Variants in CCDC141 observed in about 807,000 individuals in gnomAD.
CCDC141 encodes coiled-coil domain containing 141.
CCDC141 carries 168 observed loss-of-function variants against 181.0 expected under a neutral mutation model. That is an observed-to-expected ratio of 0.93 (90% confidence interval 0.82 to 1.05). The LOEUF is 1.05. CCDC141 is among the 50% of genes least tolerant of loss of function. The probability of loss-of-function intolerance (pLI) is 0.00; values close to 1 mark genes in which losing one functional copy is unlikely to be tolerated. For missense variants in CCDC141, 1,902 were observed against 1,788.5 expected (o/e 1.06, Z -1.14); for synonymous variants, 666 against 642.3 (o/e 1.04, Z -0.56).
chr2:178,948,140 G>C (rs944023666), intron 5 of CCDC141, among the ~76,000 whole-genome samples: 2 of 151,902 alleles, frequency 1.3e-5, no homozygotes, highest in Admixed American at 1.3e-4. Flanking sequence ...AGTTGAGGCT[G>C]CAATGAGCCA....
At chr2:179,007,569 A>T (rs1399063851) in intron 2 of CCDC141, among the ~76,000 whole-genome samples, 1 of 152,170 alleles carries the variant, frequency 6.6e-6, no homozygotes, top group African/African-American at 2.4e-5. Context: ...CTGCCCATTC[A>T]GCACCTCTCT....
chr2:179,033,040 A>G (rs1292524180), intron 2 of CCDC141, among the ~76,000 whole-genome samples: 1 of 145,956 alleles, frequency 6.9e-6, no homozygotes, highest in Non-Finnish European at 1.5e-5. Context: ...TATAAAGTCT[A>G]TAGTTTAGAA....
intron 2 of CCDC141, among the ~76,000 whole-genome samples, chr2:179,015,089 T>TATATATATAAA (rs2042405569): frequency 2.1e-5 from 1 of 47,124 alleles, no homozygotes; most frequent in African/African-American, 6.4e-5. Flanking sequence ...TATATATATA[T>TATATATATAAA]ATATATATAT....
At chr2:178,845,509 G>C (rs1290339470) in intron 22 of CCDC141, 117 bp downstream of exon 22, 1 of 656,494 alleles carries the variant, frequency 1.5e-6, no homozygotes, top group Non-Finnish European at 2.7e-6. Flanking sequence ...CATTTACACT[G>C]GGAAATTCTA....
At chr2:178,992,697 T>C (rs1405345810) in intron 2 of CCDC141, among the ~76,000 whole-genome samples, 1 of 152,134 alleles carries the variant, frequency 6.6e-6, no homozygotes, top group Non-Finnish European at 1.5e-5. Context: ...AAATAGGGGT[T>C]GCATCGTGAT....
In CCDC141 at chr2:178,978,519, T is replaced by C. The variant is rs577612921; in HGVS notation, c.382A>G (p.Arg128Gly). ...SMLERRTELLRLTSEFFENAL... is the reference protein window; with the variant it reads ...SMLERRTELLGLTSEFFENAL... ...TTTTCAAAAAATTCAGAAGTCAACC[T>C]AAGGAGCTCTGTTCTTCTTTCAAGC... The change falls in exon 3 of 24, where the codon AGG (arginine) becomes GGG (glycine). Residue 128 changes from arginine to glycine, a missense_variant. Coordinates refer to ENST00000443758, the MANE Select transcript of CCDC141 (RefSeq NM_173648.4). 1 of 1,526,452 alleles carries C rather than the reference T, an allele frequency of 6.6e-7. No individual in the cohort carries two copies. Among genetic ancestry groups the C allele is most frequent in the Admixed American group, 2.2e-5 (1 of 45,046 alleles). The allele number at this position is 1,526,452 out of a possible 1,614,324, so 94.6% of individuals were successfully genotyped here.
chr2:178,968,349 T>G (rs1376774460), intron 4 of CCDC141, among the ~76,000 whole-genome samples: 1 of 152,188 alleles, frequency 6.6e-6, no homozygotes, highest in Non-Finnish European at 1.5e-5. Context: ...AAAATACTCC[T>G]CAGCAAATGC....
At chr2:178,983,327 T>C (rs543031585) in intron 2 of CCDC141, among the ~76,000 whole-genome samples, 23 of 151,828 alleles carry the variant, frequency 1.5e-4, no homozygotes, top group Non-Finnish European at 3.2e-4. Context: ...ATCACCATCA[T>C]CAAAGACCAA....
chr2:179,042,846 G>A (rs2043353345), intron 2 of CCDC141, among the ~76,000 whole-genome samples: 1 of 151,992 alleles, frequency 6.6e-6, no homozygotes. Flanking sequence ...GCTGGCAGAA[G>A]ACAAGAAATA....
chr2:178,887,478 C>T (rs116278869), intron 9 of CCDC141, among the ~76,000 whole-genome samples: 2,084 of 152,246 alleles, frequency 0.014, 44 homozygotes, highest in African/African-American at 0.047. Context: ...TTTGTCCCCT[C>T]GCTCTAACTC....
intron 2 of CCDC141, 78 bp from the exon 3 acceptor site, chr2:178,978,753 ATAG>A: frequency 9.0e-7 from 1 of 1,107,262 alleles, no homozygotes; most frequent in Non-Finnish European, 1.2e-6. Flanking sequence ...AAACACTTGG[ATAG>A]TAGAAATTGC....
intron 3 of CCDC141, 114 bp downstream of exon 3, chr2:178,978,370 T>C: frequency 1.6e-6 from 1 of 613,566 alleles, no homozygotes. Flanking sequence ...GTTTTGGTTA[T>C]TCTGCCATTT....
chr2:178,867,068 T>C (rs1685886890), intron 16 of CCDC141, among the ~76,000 whole-genome samples: 2 of 151,998 alleles, frequency 1.3e-5, no homozygotes. Flanking sequence ...GATCTGGGAA[T>C]ATTTCCTTCT....
At chr2:178,888,756 G>A in intron 8 of CCDC141, 88 bp from the exon 9 acceptor site, 1 of 1,431,782 alleles carries the variant, frequency 7.0e-7, no homozygotes, top group South Asian at 1.3e-5. Flanking sequence ...ATGTTAGGTA[G>A]GCGTTGGTAA....
chr2:178,980,227 A>T (rs1056228796), intron 2 of CCDC141, among the ~76,000 whole-genome samples: 6 of 152,166 alleles, frequency 3.9e-5, no homozygotes, highest in Non-Finnish European at 7.3e-5. Context: ...AGGCGGGCAG[A>T]TCACGAGGTC....
At chr2:178,850,302 TA>T (rs1685107580) in intron 20 of CCDC141, 141 bp from the exon 21 acceptor site, 1 of 585,774 alleles carries the variant, frequency 1.7e-6, no homozygotes, top group African/African-American at 1.9e-5. Context: ...AAGAGATAAA[TA>T]AATGAATAAA....
chr2:178,927,740 A>G (rs898508756), intron 6 of CCDC141, among the ~76,000 whole-genome samples: 2 of 152,176 alleles, frequency 1.3e-5, no homozygotes, highest in Non-Finnish European at 2.9e-5. Flanking sequence ...ATTAAGAATG[A>G]AAAGAGATAT....
At chr2:178,940,525 A>G (rs1689465524) in intron 6 of CCDC141, among the ~76,000 whole-genome samples, 1 of 152,148 alleles carries the variant, frequency 6.6e-6, no homozygotes, top group Non-Finnish European at 1.5e-5. Flanking sequence ...GGATAGAGAG[A>G]ATAAAGGGGA....
chr2:179,048,421 G>GTTTCCAGTGTAATTTTCCAGTGTAA (rs2043570838), intron 1 of CCDC141, among the ~76,000 whole-genome samples: 2 of 152,062 alleles, frequency 1.3e-5, no homozygotes, highest in Non-Finnish European at 2.9e-5. Flanking sequence ...TAAAATAAGA[G>GTTTCCAGTGTAATTTTCCAGTGTAA]TTTCCAGTGT....
Sources: allele counts gnomAD v4.1 joint callset (sites outside exome capture counted in the v4.1 genomes callset), GRCh38; gene constraint gnomAD v4.1.1; transcripts MANE v1.5; gene names NCBI Gene and HGNC (gene_info 2026-07-23, HGNC 2026-07-21).